Variants in AP3S1 observed in about 807,000 individuals in gnomAD.
The protein encoded by AP3S1 is adaptor related protein complex 3 subunit sigma 1.
Under a neutral mutation model 21.3 loss-of-function variants are expected in AP3S1, and 12 were observed. That is an observed-to-expected ratio of 0.56 (90% CI 0.36 to 0.91). The LOEUF (loss-of-function observed/expected upper bound fraction) is 0.91, where lower values mean the gene tolerates loss of function less well. Among genes scored for constraint, AP3S1 ranks in the 40% least tolerant of loss-of-function variants. The pLI, the probability that AP3S1 is intolerant of heterozygous loss-of-function variation, is 0.01. For missense variants in AP3S1, 116 were observed against 225.0 expected (o/e 0.52, Z 3.10); for synonymous variants, 48 against 78.4 (o/e 0.61, Z 2.05).
chr5:115,872,600 A>T (rs1748365826), intron 3 of AP3S1, among the ~76,000 whole-genome samples: 1 of 152,142 alleles, frequency 6.6e-6, no homozygotes, highest in South Asian at 2.1e-4. Flanking sequence ...CTTGAGGTAA[A>T]GGTGCCCCAA....
At chr5:115,875,924 A>T (rs552046577) in intron 3 of AP3S1, among the ~76,000 whole-genome samples, 1 of 152,312 alleles carries the variant, frequency 6.6e-6, no homozygotes, top group East Asian at 1.9e-4. Flanking sequence ...TTGCAAATAT[A>T]ATAATTCTCA....
intron 4 of AP3S1, among the ~76,000 whole-genome samples, chr5:115,901,278 A>G (rs1351415807): frequency 2.0e-5 from 3 of 152,102 alleles, no homozygotes; most frequent in Non-Finnish European, 4.4e-5. Flanking sequence ...CCTAAGATAT[A>G]GCTAGCTGAG....
At chr5:115,859,151 G>C (rs532977530) in intron 1 of AP3S1, among the ~76,000 whole-genome samples, 1 of 152,256 alleles carries the variant, frequency 6.6e-6, no homozygotes, top group Non-Finnish European at 1.5e-5. Flanking sequence ...ATTAGAGGTT[G>C]CCTGTGCGAT....
intron 1 of AP3S1, among the ~76,000 whole-genome samples, chr5:115,865,466 A>G (rs1763541328): frequency 1.3e-5 from 2 of 152,126 alleles, no homozygotes; most frequent in Non-Finnish European, 2.9e-5. Context: ...TTGATCTTCA[A>G]AAACTGGTTT....
intron 1 of AP3S1, among the ~76,000 whole-genome samples, chr5:115,850,024 C>G (rs1054066762): frequency 1.3e-5 from 2 of 152,158 alleles, no homozygotes; most frequent in Non-Finnish European, 2.9e-5. Flanking sequence ...AGAAGAAAAC[C>G]ATTTTTTTCT....
intron 3 of AP3S1, among the ~76,000 whole-genome samples, chr5:115,891,352 G>A (rs983068367): frequency 2.0e-5 from 3 of 152,076 alleles, no homozygotes; most frequent in African/African-American, 7.2e-5. Flanking sequence ...CTGTAATTCA[G>A]TGCTGACAGT....
Position 115,905,534 on chromosome 5 carries a change from C to A in AP3S1, c.453+2542C>A, listed in dbSNP as rs531134782. 1.2e-4 allele frequency among the ~76,000 whole-genome samples: 19 copies of A among 152,256 alleles called. 1 individual carries two copies. The highest frequency in any genetic ancestry group is 4.6e-4 in the African/African-American group (19 of 41,536). ...TATATATTTTCTATACATGTAACGT[C>A]TGCTAATATTTTAGTTATGAAATCG... On this transcript the variant is annotated intron_variant, in intron 5 of 5. Transcript: ENST00000316788.
At chr5:115,898,743 GAC>G (rs1477171955) in intron 4 of AP3S1, 38 of 152,194 alleles carry the variant, frequency 2.5e-4, no homozygotes, top group African/African-American at 8.9e-4. Flanking sequence ...GCTGTGAGCA[GAC>G]ACACATCAAA....
chr5:115,872,415 A>T (rs1442836336), intron 3 of AP3S1, among the ~76,000 whole-genome samples: 2 of 152,198 alleles, frequency 1.3e-5, no homozygotes, highest in Non-Finnish European at 2.9e-5. Context: ...TGGGTATCAA[A>T]GTTACATGAA....
chr5:115,908,141 A>G (rs933475882), intron 5 of AP3S1, among the ~76,000 whole-genome samples: 13 of 152,130 alleles, frequency 8.5e-5, no homozygotes, highest in African/African-American at 2.7e-4. Flanking sequence ...ATTGTGGGCT[A>G]TGTCACAAAA....
chr5:115,904,210 T>G (rs1751458250), intron 5 of AP3S1: 2 of 152,218 alleles, frequency 1.3e-5, no homozygotes, highest in African/African-American at 4.8e-5. Context: ...TAATTATTAG[T>G]GTTAAGCTCA....
intron 1 of AP3S1, among the ~76,000 whole-genome samples, chr5:115,850,980 T>C (rs1055221112): frequency 6.6e-6 from 1 of 152,212 alleles, no homozygotes; most frequent in African/African-American, 2.4e-5. Flanking sequence ...TGGTTAATGA[T>C]TGACTAACAT....
chr5:115,856,421 A>G (rs1762804060), intron 1 of AP3S1, among the ~76,000 whole-genome samples: 1 of 146,344 alleles, frequency 6.8e-6, no homozygotes, highest in Non-Finnish European at 1.5e-5. Flanking sequence ...GCTAGTTAAT[A>G]CATCCAGCAT....
At chr5:115,905,221 T>C (rs976070622) in intron 5 of AP3S1, among the ~76,000 whole-genome samples, 14 of 152,210 alleles carry the variant, frequency 9.2e-5, no homozygotes, top group Non-Finnish European at 1.8e-4. Flanking sequence ...GCTTTTTGAT[T>C]GTTGAATAAA....
At position 115,895,080 on chromosome 5, in the gene AP3S1, TC is replaced by T; in HGVS notation, c.274-5del. On this transcript the variant is annotated splice_polypyrimidine_tract_variant and splice_region_variant and intron_variant, in intron 3 of 5. Transcript: ENST00000316788. ...CAGTTCTTAAAACCTTTTTTCTTTT[TC>T]CATAGGTATTTGTGGAAACATTAGA... 1.3e-6 allele frequency: 2 copies of T among 1,587,928 alleles called. No homozygotes were observed. The highest frequency in any genetic ancestry group is 1.7e-6 in the Non-Finnish European group (2 of 1,165,950).
intron 1 of AP3S1, among the ~76,000 whole-genome samples, chr5:115,854,980 G>A (rs1342794863): frequency 6.6e-6 from 1 of 151,468 alleles, no homozygotes; most frequent in Non-Finnish European, 1.5e-5. Flanking sequence ...TTCTATATAT[G>A]TATGCTTATA....
chr5:115,866,551 G>T, intron 1 of AP3S1, 119 bp from the exon 2 acceptor site: 1 of 526,876 alleles, frequency 1.9e-6, no homozygotes, highest in Non-Finnish European at 3.1e-6. Flanking sequence ...ACTTCTCCAA[G>T]GACCCCTCTC....
intron 4 of AP3S1, among the ~76,000 whole-genome samples, chr5:115,899,720 T>C (rs567377632): frequency 6.6e-6 from 1 of 151,964 alleles, no homozygotes; most frequent in East Asian, 1.9e-4. Flanking sequence ...AGGTAGAAGA[T>C]CAAGTGTAGG....
intron 1 of AP3S1, among the ~76,000 whole-genome samples, chr5:115,845,889 C>G (rs1264297827): frequency 8.0e-6 from 1 of 125,152 alleles, no homozygotes; most frequent in African/African-American, 2.9e-5. Context: ...AGTCTGGACT[C>G]AAAATGCATC....
Sources: allele counts gnomAD v4.1 joint callset (sites outside exome capture counted in the v4.1 genomes callset), GRCh38; gene constraint gnomAD v4.1.1; transcripts MANE v1.5; gene names NCBI Gene and HGNC (gene_info 2026-07-23, HGNC 2026-07-21).